The following MID1 variants were observed in gnomAD, a reference collection of about 807,000 sequenced individuals.
The protein encoded by MID1 is E3 ubiquitin-protein ligase Midline-1.
Under a neutral mutation model 40.4 loss-of-function variants are expected in MID1, and 7 were observed. That is an observed-to-expected ratio of 0.17 (90% CI 0.10 to 0.33). The LOEUF is 0.33. Ranked by LOEUF, MID1 falls within the 10% of genes least tolerant of loss-of-function variation. The probability of loss-of-function intolerance (pLI) is 1.00; values close to 1 mark genes in which losing one functional copy is unlikely to be tolerated. For missense variants in MID1, 367 were observed against 558.5 expected, an observed-to-expected ratio of 0.66 and a Z score of 3.46; for synonymous variants, 229 against 221.2, an observed-to-expected ratio of 1.04 and a Z score of -0.31.
intron 1 of MID1, among the ~76,000 whole-genome samples, chrX:10,782,404 T>C (rs113604516): frequency 0.047 from 5,224 of 111,585 alleles, 275 homozygotes; most frequent in African/African-American, 0.16. Flanking sequence ...ATTGCCACCT[T>C]GTTTCTCTTC....
chrX:10,590,267 G>C lies in MID1; in HGVS notation c.-56-22664C>G, dbSNP rs1238868587. Among the ~76,000 whole-genome samples the C allele has an allele frequency of 3.6e-5, 4 of 111,832 alleles. No individual in the cohort carries two copies. In the East Asian group the frequency reaches 1.1e-3, roughly 32 times the overall value. On this transcript the variant is annotated intron_variant, in intron 1 of 9. Coordinates refer to ENST00000317552, the MANE Select transcript of MID1 (RefSeq NM_000381.4). Reference sequence around the variant, plus strand: ...TTAGGCGCCGGGCTACCTGCCTTTAGTTTTGCTTCTCTTTCCTTTTCTGAG... The same window carrying C: ...TTAGGCGCCGGGCTACCTGCCTTTACTTTTGCTTCTCTTTCCTTTTCTGAG...
chrX:10,735,391 C>G (rs946621258), intron 1 of MID1, among the ~76,000 whole-genome samples: 2 of 111,609 alleles, frequency 1.8e-5, no homozygotes, highest in African/African-American at 3.3e-5. Context: ...CGTGAGCCAC[C>G]GTGCCTGGCC....
intron 1 of MID1, among the ~76,000 whole-genome samples, chrX:10,600,083 G>C (rs1244307753): frequency 8.9e-6 from 1 of 112,011 alleles, no homozygotes; most frequent in African/African-American, 3.2e-5. Context: ...TTCATCCTGA[G>C]TATCTACAGG....
intron 1 of MID1, among the ~76,000 whole-genome samples, chrX:10,823,113 G>T (rs1172914241): frequency 8.9e-6 from 1 of 111,781 alleles, no homozygotes; most frequent in Non-Finnish European, 1.9e-5. Flanking sequence ...AAAATGTGGT[G>T]CATATACACC....
rs1221636217 is a variant in MID1, at chrX:10,762,524, C to G, written c.-187+71030G>C. Among the ~76,000 whole-genome samples, 3 of 109,572 alleles carry G rather than the reference C, an allele frequency of 2.7e-5. No homozygotes were observed. In the East Asian group the frequency reaches 8.6e-4, roughly 31 times the overall value. ...TATCGGCTCACTGCAGCCTCAACCTCCTGGGCTCAAGTGATCCTCCCACCT... is the reference window on the plus strand; with the variant it reads ...TATCGGCTCACTGCAGCCTCAACCTGCTGGGCTCAAGTGATCCTCCCACCT... On this transcript the variant is annotated intron_variant, in intron 1 of 10. Coordinates refer to the MID1 transcript ENST00000380785.
intron 1 of MID1, among the ~76,000 whole-genome samples, chrX:10,675,947 G>A (rs2043020763): frequency 8.9e-6 from 1 of 112,124 alleles, no homozygotes; most frequent in South Asian, 3.7e-4. Flanking sequence ...CCTCACTTGA[G>A]TGTGAACACT....
In MID1 at chrX:10,620,460, T is replaced by G. The variant is rs1486016379; in HGVS notation, c.-227A>C. On this transcript the variant is annotated 5_prime_UTR_variant, in exon 1 of 10. Coordinates refer to ENST00000317552, the MANE Select transcript of MID1 (RefSeq NM_000381.4). ...AGCACGTTTTCGTCCTCTTTTTCTT[T>G]GATCTGTTGCTACACGCACTCTGCT... The G allele has an allele frequency of 8.9e-6, 1 of 112,944 alleles. No homozygotes were observed. The highest frequency in any genetic ancestry group is 1.9e-5 in the Non-Finnish European group (1 of 53,313). The allele number at this position is 112,944 out of a possible 1,213,427, so 9.3% of individuals were successfully genotyped here.
rs139384530 is a variant in MID1 at position 10,569,487 on chromosome X, C to G, written c.-56-1884G>C. Among the ~76,000 whole-genome samples, 605 of 112,104 alleles carry G rather than the reference C, an allele frequency of 5.4e-3. 2 individuals are homozygous for G. The highest frequency in any genetic ancestry group is 9.3e-3 in the Non-Finnish European group (496 of 53,190). On this transcript the variant is annotated intron_variant, in intron 1 of 9. Transcript: ENST00000317552. ...CTCAGAAGAAATGGAAAGGTTTTTA[C>G]CTATTAATAATTATTTTGGTTAATC...
At chrX:10,730,096 AT>A (rs202043000) in intron 1 of MID1, among the ~76,000 whole-genome samples, 13 of 108,269 alleles carry the variant, frequency 1.2e-4, no homozygotes, top group South Asian at 1.2e-3. Flanking sequence ...AAAAAAAAAA[AT>A]AAATAAATGA....
At chrX:10,815,645 G>T (rs180742519) in intron 1 of MID1, among the ~76,000 whole-genome samples, 37 of 112,474 alleles carry the variant, frequency 3.3e-4, no homozygotes, top group Admixed American at 2.3e-3. Flanking sequence ...AAACCCTAAA[G>T]CTCTGTGACA....
chrX:10,650,262 C>G (rs1193333284), intron 1 of MID1, among the ~76,000 whole-genome samples: 1 of 110,533 alleles, frequency 9.0e-6, no homozygotes, highest in Admixed American at 9.7e-5. Context: ...GAATTAAAGG[C>G]CTTTAGAAAT....
intron 1 of MID1, among the ~76,000 whole-genome samples, chrX:10,580,951 A>C (rs1030352136): frequency 4.6e-5 from 5 of 109,250 alleles, no homozygotes; most frequent in South Asian, 4.0e-4. Flanking sequence ...AAAAAAAAAA[A>C]AAAAAAACAT....
At chrX:10,787,111 T>C (rs1200354940) in intron 1 of MID1, among the ~76,000 whole-genome samples, 2 of 111,560 alleles carry the variant, frequency 1.8e-5, no homozygotes, top group Non-Finnish European at 3.8e-5. Flanking sequence ...AGACAAGGAA[T>C]AGGCTGGTAA....
chrX:10,828,459 G>T (rs771493583), intron 1 of MID1, among the ~76,000 whole-genome samples: 5 of 111,721 alleles, frequency 4.5e-5, no homozygotes, highest in Non-Finnish European at 9.4e-5. Flanking sequence ...TGGTGAAAAA[G>T]ATTTCAAGCT....
chrX:10,525,410 C>T (rs906869457), intron 2 of MID1, among the ~76,000 whole-genome samples: 1 of 112,177 alleles, frequency 8.9e-6, no homozygotes, highest in East Asian at 2.8e-4. Context: ...TACAAAAACA[C>T]GATTCTCTTC....
At chrX:10,482,660 T>C (rs895703930) in intron 4 of MID1, 32 bp from the exon 5 acceptor site, 2 of 1,197,558 alleles carry the variant, frequency 1.7e-6, no homozygotes, top group Non-Finnish European at 2.3e-6. Flanking sequence ...GAGAGATGGT[T>C]ACATGGGTGG....
At chrX:10,720,000 G>A (rs1276399031) in intron 1 of MID1, among the ~76,000 whole-genome samples, 2 of 111,900 alleles carry the variant, frequency 1.8e-5, no homozygotes, top group East Asian at 5.6e-4. Flanking sequence ...GTCATATGTA[G>A]AAAGCTGAAA....
intron 5 of MID1, among the ~76,000 whole-genome samples, chrX:10,481,488 G>C (rs1347475953): frequency 8.9e-6 from 1 of 112,180 alleles, no homozygotes; most frequent in Non-Finnish European, 1.9e-5. Flanking sequence ...TGCCCAGGCT[G>C]AAGTGCAGTG....
intron 4 of MID1, among the ~76,000 whole-genome samples, chrX:10,489,059 A>C (rs1378853177): frequency 9.0e-6 from 1 of 111,541 alleles, no homozygotes; most frequent in Non-Finnish European, 1.9e-5. Flanking sequence ...AAAGTTTTCA[A>C]ATCTTTTATG....
Sources: allele counts gnomAD v4.1 joint callset (sites outside exome capture counted in the v4.1 genomes callset), GRCh38; gene constraint gnomAD v4.1.1; transcripts MANE v1.5; gene names NCBI Gene and HGNC (gene_info 2026-07-23, HGNC 2026-07-21).